DCLK3: variants seen among roughly 807,000 people sequenced by gnomAD.
DCLK3 encodes the protein doublecortin like kinase 3.
Under a neutral mutation model 46.4 loss-of-function variants are expected in DCLK3, and 30 were observed. The ratio of observed to expected loss-of-function variants is 0.65; its 90% CI spans 0.48 to 0.88. The LOEUF is 0.88. Among genes scored for constraint, DCLK3 ranks in the 40% least tolerant of loss-of-function variants. DCLK3 has a pLI of 0.00. For synonymous variants in DCLK3, 401 were observed against 339.2 expected (o/e 1.18, Z -2.00); for missense variants, 846 against 907.1 (o/e 0.93, Z 0.87).
intron 1 of DCLK3, among the ~76,000 whole-genome samples, chr3:36,747,297 A>G (rs1212505373): frequency 6.6e-6 from 1 of 152,184 alleles, no homozygotes; most frequent in African/African-American, 2.4e-5. Flanking sequence ...ATATGCATAT[A>G]AGGGCCTCAC....
chr3:36,735,612 G>A (rs1269501900), intron 2 of DCLK3, among the ~76,000 whole-genome samples: 3 of 152,156 alleles, frequency 2.0e-5, no homozygotes, highest in South Asian at 2.1e-4. Context: ...AGAAAACAGT[G>A]TAAATCCCTT....
rs572336086 is a variant in DCLK3 at position 36,747,456 on chromosome 3, C to CAT, written c.83-8374_83-8373dup. On this transcript the variant is annotated intron_variant, in intron 1 of 4. Coordinates refer to ENST00000636136, the MANE Select transcript of DCLK3 (RefSeq NM_001394672.2). ...AAAAAAGGTATATATATATATTTCT[C>CAT]ATATATATATATTTCTCATATATGT... is the stretch of plus-strand genomic sequence containing the variant. 3.5e-3 allele frequency among the ~76,000 whole-genome samples: 522 copies of CAT among 151,066 alleles called. 3 individuals carry two copies. Among genetic ancestry groups the CAT allele is most frequent in the African/African-American group, 0.012 (490 of 41,172 alleles).
At chr3:36,741,090 TC>T (rs1009423652) in intron 1 of DCLK3, among the ~76,000 whole-genome samples, 1 of 152,238 alleles carries the variant, frequency 6.6e-6, no homozygotes, top group Non-Finnish European at 1.5e-5. Context: ...ACATCTGTTA[TC>T]CCTTTCTTCT....
Position 36,738,166 on chromosome 3 carries a change from T to A in DCLK3, c.1001A>T (p.Asp334Val). 1 of 1,614,024 alleles carries A rather than the reference T, an allele frequency of 6.2e-7. No homozygotes were observed. The highest frequency in any genetic ancestry group is 8.5e-7 in the Non-Finnish European group (1 of 1,179,990). Reference protein sequence around the residue: ...ERLSLGTSELDMGKGPMYDVE... With the variant: ...ERLSLGTSELVMGKGPMYDVE... ...ATCATACATTGGGCCCTTCCCCATA[T>A]CCAGCTCACTGGTCCCCAGAGAAAG... is the stretch of plus-strand genomic sequence containing the variant. Residue 334 changes from aspartate (D) to valine (V), a missense_variant, in exon 2 of 5, where the codon GAT becomes GTT. Asp to Val is a radical substitution (Grantham distance 152). Coordinates refer to ENST00000636136, the MANE Select transcript of DCLK3 (RefSeq NM_001394672.2).
chr3:36,728,257 C>T (rs571291564), intron 2 of DCLK3, among the ~76,000 whole-genome samples: 113 of 152,294 alleles, frequency 7.4e-4, no homozygotes, highest in African/African-American at 2.6e-3. Flanking sequence ...ATCGTGATCC[C>T]CAGCTCGCCT....
intron 1 of DCLK3, among the ~76,000 whole-genome samples, chr3:36,749,492 A>G (rs1701420806): frequency 6.6e-6 from 1 of 152,150 alleles, no homozygotes; most frequent in Non-Finnish European, 1.5e-5. Flanking sequence ...AGCATACTCC[A>G]TCTCCTTTTT....
rs899337915 is a variant in DCLK3 at position 36,737,110 on chromosome 3, C to T, written c.1959+98G>A. ...GTTATAATAACATAAAAGTAAAATT[C>T]TAGTGTGTAAAGGTGACAGAGTATA... On this transcript the variant is annotated intron_variant, in intron 2 of 4. Coordinates refer to ENST00000636136, the MANE Select transcript of DCLK3 (RefSeq NM_001394672.2). This position sits in a 1 kb window ranked among gnomAD's most constrained non-coding sequence, Gnocchi z 4.4. 2.1e-6 allele frequency: 3 copies of T among 1,434,256 alleles called. No homozygotes were observed. Among genetic ancestry groups the T allele is most frequent in the Non-Finnish European group, 2.8e-6 (3 of 1,079,516 alleles). 88.8% of individuals were successfully genotyped at this position (1,434,256 alleles called of 1,614,324 possible).
intron 1 of DCLK3, among the ~76,000 whole-genome samples, chr3:36,757,076 T>C (rs1214622770): frequency 6.6e-6 from 1 of 152,110 alleles, no homozygotes; most frequent in African/African-American, 2.4e-5. Context: ...TGCATTAGGT[T>C]AATTATTTAT....
At chr3:36,736,505 A>G (rs1701265005) in intron 2 of DCLK3, among the ~76,000 whole-genome samples, 1 of 152,184 alleles carries the variant, frequency 6.6e-6, no homozygotes, top group African/African-American at 2.4e-5. Flanking sequence ...TGCTCAACAG[A>G]AGAATGGCAT....
In DCLK3 at chr3:36,737,395, T is replaced by C. The variant is rs772221898; in HGVS notation, c.1772A>G (p.Glu591Gly). The C allele has an allele frequency of 1.2e-6, 2 of 1,614,222 alleles. No homozygotes were observed. The highest frequency in any genetic ancestry group is 1.7e-6 in the Non-Finnish European group (2 of 1,180,040). Reference protein sequence around the residue: ...PNIVKLHEVYETDMEIYLILE... With the variant: ...PNIVKLHEVYGTDMEIYLILE... ...GATCAGGTAGATTTCCATGTCTGTTTCGTAGACTTCATGCAATTTCACGAT... is the reference window on the plus strand; with the variant it reads ...GATCAGGTAGATTTCCATGTCTGTTCCGTAGACTTCATGCAATTTCACGAT... The change falls in exon 2 of 5, where the codon GAA (glutamate) becomes GGA (glycine). Residue 591 changes from glutamate to glycine, a missense_variant. This residue lies in a region of DCLK3 where 247 missense variants were observed against 322.8 expected (regional missense o/e 0.77). Transcript: ENST00000636136. The surrounding 1 kb of genome is among the most constrained non-coding windows in gnomAD (Gnocchi z 4.4).
intron 1 of DCLK3, among the ~76,000 whole-genome samples, chr3:36,749,103 C>G (rs1281303720): frequency 1.3e-5 from 2 of 152,222 alleles, no homozygotes; most frequent in African/African-American, 4.8e-5. Context: ...CCCAAGAGGG[C>G]ATGGCTCCCA....
intron 2 of DCLK3, among the ~76,000 whole-genome samples, chr3:36,733,322 ACT>A (rs1701221835): frequency 6.6e-6 from 1 of 151,482 alleles, no homozygotes; most frequent in South Asian, 2.1e-4. Flanking sequence ...ATTCCTTTCC[ACT>A]CTGTTTCCAG....
In DCLK3 at chr3:36,738,622, A is replaced by T; in HGVS notation, c.545T>A (p.Val182Glu). The change falls in exon 2 of 5, where the codon GTG (valine) becomes GAG (glutamate). Residue 182 changes from valine (V) to glutamate (E), a missense_variant. Val to Glu is a moderately radical substitution (Grantham distance 121). Coordinates refer to ENST00000636136, the MANE Select transcript of DCLK3 (RefSeq NM_001394672.2). ...GTTGGGGTACAGTTCTTCTACAGCC[A>T]CCTGAATGCTCTTCAGTGTCAGTGG... is the stretch of plus-strand genomic sequence containing the variant. Reference protein sequence around the residue: ...KEPLTLKSIQVAVEELYPNKA... With the variant: ...KEPLTLKSIQEAVEELYPNKA... 7.4e-7 allele frequency: 1 copy of T among 1,358,924 alleles called. No individual in the cohort carries two copies. The allele number at this position is 1,358,924 out of a possible 1,614,324, so 84.2% of individuals were successfully genotyped here. A position where few individuals can be genotyped will look rare whatever the true frequency, so the allele number is the denominator to read the frequency against.
At chr3:36,756,864 C>T (rs1313461185) in intron 1 of DCLK3, among the ~76,000 whole-genome samples, 2 of 151,594 alleles carry the variant, frequency 1.3e-5, no homozygotes, top group Non-Finnish European at 2.9e-5. Context: ...GGTATGCCTT[C>T]GCTCACAGAA....
intron 2 of DCLK3, among the ~76,000 whole-genome samples, chr3:36,727,619 T>C (rs921389710): frequency 6.6e-6 from 1 of 152,196 alleles, no homozygotes; most frequent in African/African-American, 2.4e-5. Flanking sequence ...AATCTCAGGA[T>C]CATCCCCTGA....
intron 2 of DCLK3, among the ~76,000 whole-genome samples, chr3:36,729,245 G>GT (rs762911494): frequency 4.8e-5 from 3 of 63,086 alleles, no homozygotes; most frequent in Admixed American, 1.7e-4. Flanking sequence ...TTGTGTGTGT[G>GT]TGTGGGGGGG....
chr3:36,744,982 A>G (rs983488228), intron 1 of DCLK3, among the ~76,000 whole-genome samples: 3 of 152,214 alleles, frequency 2.0e-5, no homozygotes, highest in Admixed American at 1.3e-4. Flanking sequence ...ATGCTCAGAA[A>G]GTGGGTCTCT....
chr3:36,738,287 G>C lies in DCLK3; in HGVS notation c.880C>G (p.Leu294Val), dbSNP rs1412012181. 5 of 1,526,292 alleles carry C rather than the reference G, an allele frequency of 3.3e-6. No individual in the cohort carries two copies. The highest frequency in any genetic ancestry group is 3.5e-6 in the Non-Finnish European group (4 of 1,139,324). 94.5% of individuals were successfully genotyped at this position (1,526,292 alleles called of 1,614,324 possible). A position where few individuals can be genotyped will look rare whatever the true frequency, so the allele number is the denominator to read the frequency against. ...GAGGTCTTTTCAATCTCCACCCCAA[G>C]ATGCTTCTCTCCCCTTGCGTGCCTC... ...EERHARGEKH[L>V]GVEIEKTSGE... Residue 294 changes from leucine (L) to valine (V), a missense_variant, in exon 2 of 5, where the codon CTT becomes GTT. Transcript: ENST00000636136.
chr3:36,715,389 G>A lies in DCLK3; in HGVS notation c.2393C>T (p.Ser798Phe), dbSNP rs768586504. Residue 798 changes from serine (S) to phenylalanine (F), a missense_variant, in exon 5 of 5, where the codon TCC becomes TTC. By Grantham distance (155) the Ser-to-Phe change is radical. Around this residue, in one of 3 missense-constraint regions of DCLK3, gnomAD observed 46 missense variants for 41.3 expected, o/e 1.11. Coordinates refer to ENST00000636136, the MANE Select transcript of DCLK3 (RefSeq NM_001394672.2). ...CCGGAAGTGACCCTCGCTGCTGGGGGACACCTGCTTCTGTCGTTTCACTGT... is the reference window on the plus strand; with the variant it reads ...CCGGAAGTGACCCTCGCTGCTGGGGAACACCTGCTTCTGTCGTTTCACTGT... ...TNTVKRQKQV[S>F]PSSEGHFRSQ... 8.7e-6 allele frequency: 14 copies of A among 1,614,128 alleles called. No homozygotes were observed. Among genetic ancestry groups the A allele is most frequent in the Non-Finnish European group, 1.2e-5 (14 of 1,180,008 alleles).
Sources: gnomAD v4.1 joint callset for allele counts (sites outside exome capture counted in the v4.1 genomes callset) on GRCh38, gnomAD v4.1.1 for gene constraint, gnomAD v4.1.1 regional missense constraint, Gnocchi (gnomAD v3.1) non-coding constraint, MANE v1.5 for transcripts, NCBI Gene and HGNC (gene_info 2026-07-23, HGNC 2026-07-21) for gene names.